The following NAPRT variants were observed in gnomAD, a reference collection of about 807,000 sequenced individuals.
The protein encoded by NAPRT is nicotinate phosphoribosyltransferase, also known as FHA-HIT-interacting protein.
NAPRT carries 66 observed loss-of-function variants against 60.7 expected under a neutral mutation model. That is an observed-to-expected ratio of 1.09 (90% CI 0.89 to 1.33). The LOEUF is 1.33. NAPRT is among the 40% of genes most tolerant of loss of function. NAPRT has a pLI of 0.00. For missense variants in NAPRT, 818 were observed against 731.5 expected (o/e 1.12, Z -1.36); for synonymous variants, 405 against 335.7 (o/e 1.21, Z -2.26).
Position 143,575,456 on chromosome 8 carries a change from T to TC in NAPRT, c.1257dup (p.Ser420GlufsTer11). The TC allele has an allele frequency of 6.3e-7, 1 of 1,594,070 alleles. No individual in the cohort carries two copies. Among genetic ancestry groups the TC allele is most frequent in the Non-Finnish European group, 8.6e-7 (1 of 1,164,268 alleles). On this transcript the variant is annotated frameshift_variant, in exon 10 of 13. Coordinates refer to ENST00000449291, the MANE Select transcript of NAPRT (RefSeq NM_145201.6). LOFTEE classifies it high-confidence loss of function. ...CCCAGGAGCCGGAAAGCAGCCTTGC[T>TC]CCCAGGCAACGTCTGCTTCTCGGGG...
intron 3 of NAPRT, 82 bp from the exon 4 acceptor site, chr8:143,577,481 T>A (rs988918755): frequency 1.3e-6 from 2 of 1,503,616 alleles, no homozygotes; most frequent in Non-Finnish European, 1.8e-6. Flanking sequence ...GGCCTGGAAC[T>A]TCCAACCTGG....
In NAPRT at chr8:143,575,300, G is replaced by A. The variant is rs770594113; in HGVS notation, c.1337C>T (p.Pro446Leu). 7.4e-6 allele frequency: 12 copies of A among 1,612,778 alleles called. No homozygotes were observed. Among genetic ancestry groups the A allele is most frequent in the Admixed American group, 6.7e-5 (4 of 60,012 alleles). ...CACCCTCAGCTCCTGCCCAGCCTGTGGCACTGGCTCTTCTGCTAACTGCAG... is the reference window on the plus strand; with the variant it reads ...CACCCTCAGCTCCTGCCCAGCCTGTAGCACTGGCTCTTCTGCTAACTGCAG... Reference protein sequence around the residue: ...DMLQLAEEPVPQAGQELRVWP... With the variant: ...DMLQLAEEPVLQAGQELRVWP... Residue 446 changes from proline to leucine, a missense_variant, in exon 11 of 13, where the codon CCA becomes CTA. Coordinates refer to ENST00000449291, the MANE Select transcript of NAPRT (RefSeq NM_145201.6).
downstream of NAPRT, among the ~76,000 whole-genome samples, chr8:143,573,277 C>T (rs1824187063): frequency 1.3e-5 from 2 of 152,312 alleles, no homozygotes; most frequent in African/African-American, 2.4e-5. Context: ...TGGGGCAGCC[C>T]GGAGGTGTGG....
rs2015562 is a variant in NAPRT, at chr8:143,578,087, G to T, written c.226+6C>A. The T allele has an allele frequency of 0.12, 187,630 of 1,517,890 alleles. 15,805 individuals carry two copies. The highest frequency in any genetic ancestry group is 0.34 in the African/African-American group (24,406 of 71,104). The allele number at this position is 1,517,890 out of a possible 1,614,324, so 94.0% of individuals were successfully genotyped here. ...TGGGGGGCTCGTCGCGCGGACGGGG[G>T]ACTACCGGCGTCCCGCAGGCGGAAG... On this transcript the variant is annotated splice_donor_region_variant and intron_variant, in intron 1 of 12. Transcript: ENST00000449291.
In NAPRT at chr8:143,577,289, G is replaced by C. The variant is rs1325588608; in HGVS notation, c.548C>G (p.Ser183Cys). The C allele has an allele frequency of 2.5e-6, 4 of 1,608,940 alleles. No homozygotes were observed. Among genetic ancestry groups the C allele is most frequent in the African/African-American group, 2.7e-5 (2 of 74,884 alleles). ...CTCACCGCCCAGGTAGCTGTAGGTG[G>C]AGGCTGTCAGGCCCCCATCGGGGCC... ...AQGPDGGLTASTYSYLGGFDS... is the reference protein window; with the variant it reads ...AQGPDGGLTACTYSYLGGFDS... The change falls in exon 4 of 13, where the codon TCC becomes TGC. Residue 183 changes from serine (S) to cysteine (C), a missense_variant. Ser to Cys is a moderately radical substitution (Grantham distance 112). Coordinates refer to ENST00000449291, the MANE Select transcript of NAPRT (RefSeq NM_145201.6).
In NAPRT at chr8:143,576,176, G is replaced by A. The variant is rs1239967958; in HGVS notation, c.1023-14C>T. 1.9e-6 allele frequency: 3 copies of A among 1,584,338 alleles called. No individual in the cohort carries two copies. Among genetic ancestry groups the A allele is most frequent in the Admixed American group, 3.5e-5 (2 of 56,438 alleles). On this transcript the variant is annotated splice_polypyrimidine_tract_variant and intron_variant, in intron 7 of 12. Coordinates refer to ENST00000449291, the MANE Select transcript of NAPRT (RefSeq NM_145201.6). ...GGCACCTGGAACCTGCCGCGTGGGT[G>A]GAGAAAGGGTGGGGGCCACCCCTCG...
intron 10 of NAPRT, 21 bp downstream of exon 10, chr8:143,575,402 G>A (rs767903032): frequency 1.3e-6 from 2 of 1,593,874 alleles, no homozygotes; most frequent in South Asian, 1.1e-5. Context: ...GTGGACAGCA[G>A]GGGGGATGGG....
At chr8:143,577,521 C>T in intron 3 of NAPRT, 122 bp from the exon 4 acceptor site, 1 of 1,452,860 alleles carries the variant, frequency 6.9e-7, no homozygotes, top group Non-Finnish European at 9.2e-7. Context: ...CCCCTCCTTA[C>T]ACCCTGAAGA....
rs1220092471 is a variant in NAPRT, at chr8:143,575,337, G to A, written c.1300C>T (p.Leu434Phe). Reference sequence around the variant, plus strand: ...TCTGCTAACTGCAGCATGTCCATGAGTGGAGACCCTGTGTGGACGGGGCAA... The same window carrying A: ...TCTGCTAACTGCAGCATGTCCATGAATGGAGACCCTGTGTGGACGGGGCAA... ...FRLLGSDGSP[L>F]MDMLQLAEEP... Residue 434 changes from leucine (L) to phenylalanine (F), a missense_variant, in exon 11 of 13, where the codon CTC becomes TTC. Leu to Phe is a conservative substitution (Grantham distance 22). Coordinates refer to ENST00000449291, the MANE Select transcript of NAPRT (RefSeq NM_145201.6). 3.1e-6 allele frequency: 5 copies of A among 1,611,646 alleles called. No individual in the cohort carries two copies. In the African/African-American group the frequency reaches 5.3e-5, roughly 17 times the overall value.
rs751388512 is a variant in NAPRT at position 143,575,044 on chromosome 8, A to T, written c.1496T>A (p.Leu499Gln). The change falls in exon 12 of 13, where the codon CTG becomes CAG. Residue 499 changes from leucine (L) to glutamine (Q), a missense_variant. Physicochemically the swap from Leu to Gln is moderately radical, Grantham distance 113. Coordinates refer to ENST00000449291, the MANE Select transcript of NAPRT (RefSeq NM_145201.6). ...CTCAGGGCTGAGTCGGCTCAGGGAC[A>T]GCTGGGCCAAGGCTCTAGACTCTGC... is the stretch of plus-strand genomic sequence containing the variant. ...SLAESRALAQ[L>Q]SLSRLSPEHR... 36 of 1,507,234 alleles carry T rather than the reference A, an allele frequency of 2.4e-5. No homozygotes were observed. The highest frequency in any genetic ancestry group is 8.4e-5 in the Admixed American group (4 of 47,364). 93.4% of individuals were successfully genotyped at this position (1,507,234 alleles called of 1,614,324 possible).
rs145806784 is a variant in NAPRT, at chr8:143,576,537, G to A, written c.917C>T (p.Ala306Val). The change falls in exon 7 of 13, where the codon GCC becomes GTC. Residue 306 changes from alanine to valine, a missense_variant. Ala to Val is a moderately conservative substitution (Grantham distance 64). Transcript: ENST00000449291. ...GLPNFLAVAL[A>V]LGELGYRAVG... ...TGCCCGGTAGCCCAGCTCTCCCAGG[G>A]CCAGGGCGACTGCTAGGAAGTTGGG... 6.4e-5 allele frequency: 103 copies of A among 1,612,130 alleles called. No homozygotes were observed. The African/African-American group carries it at 1.1e-3, about 17-fold the overall frequency.
At chr8:143,573,165 T>C (rs1824173874), downstream of NAPRT, among the ~76,000 whole-genome samples, 1 of 152,056 alleles carries the variant, frequency 6.6e-6, no homozygotes, top group African/African-American at 2.4e-5. Flanking sequence ...AGCTCCCCAC[T>C]GGGCCTGGGG....
chr8:143,575,555 T>A, intron 9 of NAPRT, 30 bp from the exon 10 acceptor site: 1 of 1,593,600 alleles, frequency 6.3e-7, no homozygotes, highest in Non-Finnish European at 8.6e-7. Flanking sequence ...AGCTGGCTGG[T>A]CCTTATCCCC....
chr8:143,577,556 G>T, intron 3 of NAPRT, 101 bp downstream of exon 3: 2 of 1,477,152 alleles, frequency 1.4e-6, no homozygotes, highest in South Asian at 1.2e-5. Flanking sequence ...CCAGTCCTGG[G>T]ACCCCTGGGC....
chr8:143,578,286 C>T lies in NAPRT; in HGVS notation c.33G>A (p.Ala11=). The change falls in exon 1 of 13, where the codon GCG becomes GCA. Residue 11 remains alanine (A), a synonymous_variant. Coordinates refer to ENST00000449291, the MANE Select transcript of NAPRT (RefSeq NM_145201.6). ...GGTCAGTGAGCAGCGGCCGCGCCGC[C>T]GCGCGCGCCTCGGGGTCCTGCTCCG... MAAEQDPEAR[A]AARPLLTDLY... 7.1e-7 allele frequency: 1 copy of T among 1,408,764 alleles called. No homozygotes were observed. Among genetic ancestry groups the T allele is most frequent in the African/African-American group, 1.5e-5 (1 of 65,894 alleles). 87.3% of individuals were successfully genotyped at this position (1,408,764 alleles called of 1,614,324 possible).
rs1350120893 is a variant in NAPRT at position 143,576,656 on chromosome 8, T to C, written c.871A>G (p.Ser291Gly). The C allele has an allele frequency of 6.2e-6, 10 of 1,610,876 alleles. No homozygotes were observed. Among genetic ancestry groups the C allele is most frequent in the Non-Finnish European group, 7.6e-6 (9 of 1,179,082 alleles). Residue 291 changes from serine to glycine, a missense_variant, in exon 6 of 13, where the codon AGC becomes GGC. Transcript: ENST00000449291. ...RAFQGLLDTY[S>G]VWRSGLPNFL... ...AGTGCCCGGGCTCACCTCCACACGC[T>C]GTAGGTGTCCAGGAGGCCCTGGAAG...
intron 9 of NAPRT, 38 bp from the exon 10 acceptor site, chr8:143,575,563 C>T (rs1420198417): frequency 3.8e-6 from 6 of 1,590,296 alleles, no homozygotes; most frequent in Admixed American, 1.7e-5. Flanking sequence ...GGTCCTTATC[C>T]CCCACCCAGC....
chr8:143,578,012 C>CGG, intron 1 of NAPRT, 69 bp from the exon 2 acceptor site: 1 of 1,517,334 alleles, frequency 6.6e-7, no homozygotes, highest in Non-Finnish European at 8.8e-7. Context: ...GGGGGTTCCA[C>CGG]GGGGGGACAA....
chr8:143,577,016 TG>T, intron 5 of NAPRT, 45 bp downstream of exon 5: 1 of 1,585,898 alleles, frequency 6.3e-7, no homozygotes, highest in Non-Finnish European at 8.6e-7. Flanking sequence ...AGGGCTGGCT[TG>T]GGGCCTGTCG....
Sources: allele counts gnomAD v4.1 joint callset (sites outside exome capture counted in the v4.1 genomes callset), GRCh38; gene constraint gnomAD v4.1.1; transcripts MANE v1.5; gene names NCBI Gene and HGNC (gene_info 2026-07-23, HGNC 2026-07-21).